USH2A: variants seen among roughly 807,000 people sequenced by gnomAD.
USH2A encodes the protein usherin.
A neutral mutation model predicts 538.9 loss-of-function variants in USH2A; 443 were observed. The observed-to-expected ratio is 0.82, with a 90% CI of 0.76 to 0.89. The LOEUF is 0.89. Ranked by LOEUF, USH2A falls within the 40% of genes least tolerant of loss-of-function variation. The pLI is 0.00. For missense variants in USH2A, 6,633 were observed against 6,324.8 expected (o/e 1.05, Z -1.65); for synonymous variants, 2,413 against 2,273.5 (o/e 1.06, Z -1.75).
chr1:216,231,907 TGTTGC>T, intron 14 of USH2A, 41 bp downstream of exon 14: 2 of 1,612,178 alleles, frequency 1.2e-6, no homozygotes, highest in Non-Finnish European at 1.7e-6. Flanking sequence ...AAAAGTTAAC[TGTTGC>T]TAAAGAAAGA....
intron 21 of USH2A, among the ~76,000 whole-genome samples, chr1:216,167,619 G>A (rs1239909211): frequency 6.6e-6 from 1 of 152,044 alleles, no homozygotes. Context: ...AGGGGAGAAG[G>A]GACGCAAGAC....
intron 52 of USH2A, among the ~76,000 whole-genome samples, chr1:215,785,485 C>G (rs1310384098): frequency 6.6e-6 from 1 of 152,040 alleles, no homozygotes; most frequent in Non-Finnish European, 1.5e-5. Flanking sequence ...GTTAAATGAC[C>G]ATATTTATAT....
intron 14 of USH2A, among the ~76,000 whole-genome samples, chr1:216,226,857 C>G (rs1028584105): frequency 6.6e-6 from 1 of 152,148 alleles, no homozygotes; most frequent in African/African-American, 2.4e-5. Flanking sequence ...ATGATGAACT[C>G]TGGGAGTCTA....
chr1:215,963,042 A>G (rs186820733), intron 37 of USH2A, among the ~76,000 whole-genome samples: 1 of 152,054 alleles, frequency 6.6e-6, no homozygotes, highest in Non-Finnish European at 1.5e-5. Context: ...AACTAGCTGA[A>G]TTTCCCTATC....
At position 215,991,177 on chromosome 1, in the gene USH2A, C is replaced by T. The variant is rs535769779; in HGVS notation, c.6805+1843G>A. 1.4e-4 allele frequency among the ~76,000 whole-genome samples: 22 copies of T among 152,268 alleles called. 1 individual carries two copies. In the South Asian group the frequency reaches 4.6e-3, roughly 32 times the overall value. On this transcript the variant is annotated intron_variant, in intron 35 of 71. Transcript: ENST00000307340. ...TTTTTGACTCTAGGCCTATTTGACT[C>T]CACCCATGTTTTCCAACCCAACATT...
chr1:216,195,555 G>A (rs745975769), intron 19 of USH2A, among the ~76,000 whole-genome samples: 11 of 152,044 alleles, frequency 7.2e-5, no homozygotes, highest in Non-Finnish European at 1.3e-4. Context: ...ATGTTGTGTG[G>A]AAAGAGACGT....
intron 60 of USH2A, among the ~76,000 whole-genome samples, chr1:215,736,838 G>A (rs2102721537): frequency 6.6e-6 from 1 of 152,030 alleles, no homozygotes; most frequent in South Asian, 2.1e-4. Flanking sequence ...GACTGACCCT[G>A]TATTAAAAGA....
intron 55 of USH2A, among the ~76,000 whole-genome samples, chr1:215,778,191 A>G (rs1661519188): frequency 6.6e-6 from 1 of 152,018 alleles, no homozygotes; most frequent in African/African-American, 2.4e-5. Context: ...AGCTGGGATT[A>G]CAGATGCACA....
At chr1:216,067,172 A>G (rs2031403081) in intron 30 of USH2A, among the ~76,000 whole-genome samples, 1 of 152,176 alleles carries the variant, frequency 6.6e-6, no homozygotes, top group Non-Finnish European at 1.5e-5. Flanking sequence ...CAGAAAACCA[A>G]ACACTGCGAG....
At chr1:216,035,840 C>A (rs1231627120) in intron 32 of USH2A, among the ~76,000 whole-genome samples, 1 of 152,018 alleles carries the variant, frequency 6.6e-6, no homozygotes, top group African/African-American at 2.4e-5. Flanking sequence ...CAGTTGGGTC[C>A]TTATTCCTAT....
Position 216,097,083 on chromosome 1 carries a change from C to T in USH2A, c.4758G>A (p.Gln1586=). ...TTAAAGTTTATGATTTCTCATTTACCTGAGGATCAAAAAGAAAATAAAGAC... is the reference window on the plus strand; with the variant it reads ...TTAAAGTTTATGATTTCTCATTTACTTGAGGATCAAAAAGAAAATAAAGAC... The part of the protein sequence containing the change: ...KGRLYFLFDP[Q]GSPVEVTTTN... The change falls in exon 22 of 72, where the codon CAG becomes CAA. Residue 1586 remains glutamine (Q), a splice_region_variant and synonymous_variant. Transcript: ENST00000307340. The T allele has an allele frequency of 6.2e-7, 1 of 1,613,518 alleles. No individual in the cohort carries two copies. Among genetic ancestry groups the T allele is most frequent in the East Asian group, 2.2e-5 (1 of 44,848 alleles).
intron 32 of USH2A, among the ~76,000 whole-genome samples, chr1:216,019,249 G>A (rs1668788546): frequency 6.6e-6 from 1 of 152,178 alleles, no homozygotes. Flanking sequence ...CAAAAAGACT[G>A]TAGCAAAATG....
chr1:216,140,282 C>A (rs1419273405), intron 21 of USH2A, among the ~76,000 whole-genome samples: 1 of 152,102 alleles, frequency 6.6e-6, no homozygotes, highest in East Asian at 1.9e-4. Flanking sequence ...TTTCCAGGGG[C>A]ATGCACAGTG....
At chr1:216,016,504 T>C (rs1055416136) in intron 32 of USH2A, among the ~76,000 whole-genome samples, 5 of 152,150 alleles carry the variant, frequency 3.3e-5, no homozygotes, top group African/African-American at 1.2e-4. Context: ...ATCCCTCCCT[T>C]TCATGAAAAC....
At chr1:215,809,249 G>C (rs1662590181) in intron 49 of USH2A, among the ~76,000 whole-genome samples, 1 of 152,112 alleles carries the variant, frequency 6.6e-6, no homozygotes, top group Admixed American at 6.6e-5. Flanking sequence ...GTATCCCATG[G>C]TACAGGGCAA....
chr1:216,148,649 C>T (rs891981775), intron 21 of USH2A, among the ~76,000 whole-genome samples: 12 of 152,054 alleles, frequency 7.9e-5, no homozygotes, highest in Non-Finnish European at 8.8e-5. Context: ...TTTACCTGTC[C>T]TAAAACCAGA....
intron 19 of USH2A, chr1:216,194,035 T>C (rs1220811905): frequency 6.6e-6 from 1 of 152,124 alleles, no homozygotes; most frequent in East Asian, 1.9e-4. Flanking sequence ...ACTTTATCAC[T>C]TCACATTTGT....
intron 59 of USH2A, 72 bp downstream of exon 59, chr1:215,743,105 C>A: frequency 6.5e-7 from 1 of 1,548,594 alleles, no homozygotes; most frequent in Non-Finnish European, 8.8e-7. Context: ...AGAATGTATT[C>A]CTTTTTAATG....
intron 4 of USH2A, among the ~76,000 whole-genome samples, chr1:216,359,256 GTTATCCCTATC>G (rs1014834488): frequency 8.6e-5 from 13 of 151,990 alleles, no homozygotes; most frequent in Admixed American, 7.2e-4. Flanking sequence ...GAAATATAGT[GTTATCCCTATC>G]TTATTGTTTC....
Sources: allele counts gnomAD v4.1 joint callset (sites outside exome capture counted in the v4.1 genomes callset), GRCh38; gene constraint gnomAD v4.1.1; transcripts MANE v1.5; gene names NCBI Gene and HGNC (gene_info 2026-07-23, HGNC 2026-07-21).